Variants in CDKL5 observed in about 807,000 individuals in gnomAD.
The protein encoded by CDKL5 is cyclin dependent kinase like 5, also known as cyclin-dependent kinase-like 5.
In CDKL5, 8 loss-of-function variants were observed where a neutral mutation model predicts 61.7. The ratio of observed to expected loss-of-function variants is 0.13; its 90% CI spans 0.08 to 0.23. The LOEUF is 0.23. CDKL5 is among the 10% of genes least tolerant of loss of function. CDKL5 has a pLI of 1.00. For synonymous variants in CDKL5, 275 were observed against 272.3 expected (o/e 1.01, Z -0.10); for missense variants, 440 against 734.5 (o/e 0.60, Z 4.63).
intron 4 of CDKL5, among the ~76,000 whole-genome samples, chrX:18,566,318 AT>A (rs1924968591): frequency 9.0e-6 from 1 of 111,105 alleles, no homozygotes; most frequent in African/African-American, 3.3e-5. Flanking sequence ...TGCCCAGCTA[AT>A]TTTTTGTATT....
At chrX:18,510,956 T>G in intron 3 of CDKL5, 102 bp downstream of exon 3, 3 of 604,180 alleles carry the variant, frequency 5.0e-6, no homozygotes, top group East Asian at 6.7e-5. Flanking sequence ...TGAGCATTCC[T>G]TATCTGAAAT....
At chrX:18,619,708 G>A (rs758218689) in intron 15 of CDKL5, among the ~76,000 whole-genome samples, 159 bp from the exon 16 acceptor site, 1 of 111,976 alleles carries the variant, frequency 8.9e-6, no homozygotes, top group Admixed American at 9.5e-5. Flanking sequence ...ATTAAATTTA[G>A]TTCCTCCTGT....
intron 1 of CDKL5, among the ~76,000 whole-genome samples, chrX:18,481,192 C>T (rs765563505): frequency 9.2e-6 from 1 of 109,281 alleles, no homozygotes; most frequent in Admixed American, 9.8e-5. Context: ...CCTCCTCCTC[C>T]TCCTTCTCTC....
At chrX:18,602,219 A>G (rs1207535857) in intron 11 of CDKL5, among the ~76,000 whole-genome samples, 1 of 112,116 alleles carries the variant, frequency 8.9e-6, no homozygotes, top group Non-Finnish European at 1.9e-5. Context: ...ATGGGGGTGG[A>G]GGACGGATTG....
Position 18,591,734 on chromosome X carries a change from C to G in CDKL5, c.744+3591C>G, listed in dbSNP as rs193098300. Among the ~76,000 whole-genome samples the G allele has an allele frequency of 5.4e-3, 598 of 111,483 alleles. 3 individuals carry two copies. The highest frequency in any genetic ancestry group is 6.1e-3 in the Non-Finnish European group (323 of 53,110). On this transcript the variant is annotated intron_variant, in intron 9 of 17. Coordinates refer to ENST00000623535, the MANE Select transcript of CDKL5 (RefSeq NM_001323289.2). ...CATATTGCTTTTATAGTCTGCATTT[C>G]CATCTCTATAATGCTCCCAACACTC...
At chrX:18,445,659 C>T (rs1452542259) in intron 1 of CDKL5, among the ~76,000 whole-genome samples, 1 of 111,091 alleles carries the variant, frequency 9.0e-6, no homozygotes, top group Non-Finnish European at 1.9e-5. Context: ...TGTGAGTTCT[C>T]ATGAGATCTG....
chrX:18,531,331 T>C (rs1923635589), intron 3 of CDKL5, among the ~76,000 whole-genome samples: 1 of 112,453 alleles, frequency 8.9e-6, no homozygotes, highest in Non-Finnish European at 1.9e-5. Flanking sequence ...CCTGGGTGTA[T>C]TTCAAATTAA....
chrX:18,500,114 G>A (rs1360861798), intron 1 of CDKL5, among the ~76,000 whole-genome samples: 2 of 111,594 alleles, frequency 1.8e-5, no homozygotes, highest in East Asian at 5.6e-4. Context: ...CTTCAAGTGA[G>A]TGGTGATTTA....
intron 15 of CDKL5, among the ~76,000 whole-genome samples, chrX:18,614,731 G>A (rs746588287): frequency 3.6e-5 from 4 of 112,386 alleles, no homozygotes; most frequent in South Asian, 7.3e-4. Context: ...GCGAATTAAC[G>A]TGAGAACACA....
chrX:18,629,455 T>A lies in CDKL5; in HGVS notation c.*698T>A, dbSNP rs2147179712. 4 of 528,520 alleles carry A rather than the reference T, an allele frequency of 7.6e-6. No homozygotes were observed. The highest frequency in any genetic ancestry group is 9.2e-6 in the Non-Finnish European group (4 of 434,306). The allele number at this position is 528,520 out of a possible 1,213,427, so 43.6% of individuals were successfully genotyped here. A position where few individuals can be genotyped will look rare whatever the true frequency, so the allele number is the denominator to read the frequency against. Reference sequence around the variant, plus strand: ...CATCAGGAGTATTTTATTCTATATATAATATATATATATGGTAAATATCTG... The same window carrying A: ...CATCAGGAGTATTTTATTCTATATAAAATATATATATATGGTAAATATCTG... On this transcript the variant is annotated 3_prime_UTR_variant, in exon 18 of 18. Coordinates refer to ENST00000623535, the MANE Select transcript of CDKL5 (RefSeq NM_001323289.2).
intron 3 of CDKL5, among the ~76,000 whole-genome samples, chrX:18,516,146 A>G (rs937678097): frequency 9.1e-6 from 1 of 110,362 alleles, no homozygotes; most frequent in Non-Finnish European, 1.9e-5. Context: ...AGCCACCACC[A>G]TGCGTGGCTA....
At chrX:18,653,357 G>A (rs757460356) in intron 21 of CDKL5, 104 of 1,178,694 alleles carry the variant, frequency 8.8e-5, no homozygotes, top group South Asian at 4.1e-4. Flanking sequence ...TGGGGGGCCC[G>A]GGCATTAGCC....
At chrX:18,489,223 A>G (rs1269840831) in intron 1 of CDKL5, among the ~76,000 whole-genome samples, 1 of 110,954 alleles carries the variant, frequency 9.0e-6, no homozygotes, top group Non-Finnish European at 1.9e-5. Context: ...GGTTCAAGCA[A>G]TTCTCGTGGT....
rs761608293 is a variant in CDKL5 at position 18,521,635 on chromosome X, G to A, written c.99+10781G>A. The stretch of plus-strand genomic sequence containing the variant: ...TATTTGCGTAGTGGATGAAGTCTGA[G>A]GTTTTTGTGTAACCATACCCAAATA... On this transcript the variant is annotated intron_variant, in intron 3 of 17. Coordinates refer to ENST00000623535, the MANE Select transcript of CDKL5 (RefSeq NM_001323289.2). 1.3e-3 allele frequency among the ~76,000 whole-genome samples: 141 copies of A among 112,156 alleles called. 1 individual carries two copies. The highest frequency in any genetic ancestry group is 4.4e-3 in the African/African-American group (137 of 30,940).
chrX:18,509,193 A>ACACGCG (rs1555940160), intron 2 of CDKL5, among the ~76,000 whole-genome samples: 38 of 57,612 alleles, frequency 6.6e-4, no homozygotes, highest in Middle Eastern at 7.5e-3. Context: ...CTGTCTCAAA[A>ACACGCG]CACGCACACA....
At chrX:18,558,302 T>C (rs1183481319) in intron 3 of CDKL5, among the ~76,000 whole-genome samples, 1 of 112,064 alleles carries the variant, frequency 8.9e-6, no homozygotes, top group Non-Finnish European at 1.9e-5. Flanking sequence ...TAACTACAGC[T>C]GGTGACATTC....
chrX:18,542,289 C>T (rs991578632), intron 3 of CDKL5, among the ~76,000 whole-genome samples: 4 of 111,625 alleles, frequency 3.6e-5, no homozygotes, highest in African/African-American at 1.3e-4. Flanking sequence ...TGACCACTCC[C>T]CACGTTGGCC....
At chrX:18,452,586 C>G (rs780654159) in intron 1 of CDKL5, among the ~76,000 whole-genome samples, 14 of 108,729 alleles carry the variant, frequency 1.3e-4, no homozygotes, top group Admixed American at 1.0e-3. Flanking sequence ...CTACCACGCC[C>G]GGCTAATTTT....
intron 1 of CDKL5, among the ~76,000 whole-genome samples, chrX:18,489,392 C>T (rs1921910393): frequency 9.1e-6 from 1 of 110,151 alleles, no homozygotes. Flanking sequence ...TACTCCTGAC[C>T]TCAAGTGATC....
Sources: gnomAD v4.1 joint callset for allele counts (sites outside exome capture counted in the v4.1 genomes callset) on GRCh38, gnomAD v4.1.1 for gene constraint, MANE v1.5 for transcripts, NCBI Gene and HGNC (gene_info 2026-07-23, HGNC 2026-07-21) for gene names.